The following SPATA18 variants were observed in gnomAD, a reference collection of about 807,000 sequenced individuals.
SPATA18 encodes mitochondria-eating protein.
A neutral mutation model predicts 68.1 loss-of-function variants in SPATA18; 54 were observed. That is an observed-to-expected ratio of 0.79 (90% CI 0.64 to 0.99). The LOEUF (loss-of-function observed/expected upper bound fraction) is 0.99. SPATA18 is among the 50% of genes least tolerant of loss of function. SPATA18 has a pLI of 0.00. For synonymous variants in SPATA18, 242 were observed against 244.8 expected (o/e 0.99, Z 0.11); for missense variants, 724 against 681.1 (o/e 1.06, Z -0.70).
chr4:52,094,459 TG>T (rs1295610478), intron 11 of SPATA18, 67 bp from the exon 12 acceptor site: 84 of 1,523,800 alleles, frequency 5.5e-5, no homozygotes, highest in South Asian at 1.6e-4. Flanking sequence ...AAAAAAAATA[TG>T]TCAAAAGAAT....
At chr4:52,060,952 C>T in intron 3 of SPATA18, 55 bp downstream of exon 3, 2 of 1,370,794 alleles carry the variant, frequency 1.5e-6, no homozygotes, top group Non-Finnish European at 2.1e-6. Flanking sequence ...TAAAACGAAT[C>T]AGAAACCTCC....
rs556229362 is a variant in SPATA18, at chr4:52,051,616, G to T, written c.-89G>T. On this transcript the variant is annotated 5_prime_UTR_variant, in exon 1 of 13. Transcript: ENST00000295213. ...CCCCCCAGAAGAGAACACCCTTCCC[G>T]CCATATCACCCCACGGTCCTGCGGA... 23 of 1,228,114 alleles carry T rather than the reference G, an allele frequency of 1.9e-5. No homozygotes were observed. The highest frequency in any genetic ancestry group is 1.5e-4 in the African/African-American group (10 of 67,434). 76.1% of individuals were successfully genotyped at this position (1,228,114 alleles called of 1,614,324 possible).
chr4:52,063,893 C>T (rs1739099323), intron 4 of SPATA18, among the ~76,000 whole-genome samples: 1 of 152,082 alleles, frequency 6.6e-6, no homozygotes, highest in South Asian at 2.1e-4. Flanking sequence ...GATGACCCTC[C>T]ATTTTCCTCT....
intron 10 of SPATA18, chr4:52,083,606 A>G: frequency 5.1e-6 from 2 of 388,484 alleles, no homozygotes; most frequent in Non-Finnish European, 7.0e-6. Flanking sequence ...TTAGCTGGGC[A>G]TCGTGGTGCA....
chr4:52,093,235 A>G (rs375672214), intron 11 of SPATA18, among the ~76,000 whole-genome samples: 18 of 152,330 alleles, frequency 1.2e-4, no homozygotes, highest in African/African-American at 4.3e-4. Flanking sequence ...CTATAATATG[A>G]TACAATATGA....
At chr4:52,064,161 C>CCCTATATCCTTT (rs1578157886) in intron 4 of SPATA18, among the ~76,000 whole-genome samples, 2 of 147,854 alleles carry the variant, frequency 1.4e-5, no homozygotes, top group East Asian at 2.0e-4. Flanking sequence ...TATGCTTTAT[C>CCCTATATCCTTT]ACGTATGTGT....
intron 3 of SPATA18, among the ~76,000 whole-genome samples, chr4:52,061,698 G>A (rs77018357): frequency 1.3e-5 from 2 of 152,058 alleles, no homozygotes; most frequent in African/African-American, 2.4e-5. Flanking sequence ...TGGTTTTGCT[G>A]ATCTAAAAGG....
At chr4:52,053,283 A>G (rs1267822020) in intron 1 of SPATA18, among the ~76,000 whole-genome samples, 1 of 152,194 alleles carries the variant, frequency 6.6e-6, no homozygotes, top group Non-Finnish European at 1.5e-5. Context: ...ATAACATCCC[A>G]TTCTCTGCTC....
At chr4:52,057,294 C>T (rs1299384729) in intron 1 of SPATA18, among the ~76,000 whole-genome samples, 1 of 151,926 alleles carries the variant, frequency 6.6e-6, no homozygotes, top group African/African-American at 2.4e-5. Flanking sequence ...GCTTTGGAGA[C>T]AGTATAATTA....
rs900205850 is a variant in SPATA18 at position 52,089,218 on chromosome 4, C to CT, written c.1563+4225dup. On this transcript the variant is annotated intron_variant, in intron 11 of 12. Coordinates refer to ENST00000295213, the MANE Select transcript of SPATA18 (RefSeq NM_145263.4). ...CTAGCAGTATATCTATTTTGCAGAT[C>CT]TTTTTTAAAAAAACCAGCTCCTGGA... Among the ~76,000 whole-genome samples the CT allele has an allele frequency of 5.9e-5, 9 of 151,786 alleles. 1 individual carries two copies. The highest frequency in any genetic ancestry group is 4.2e-4 in the South Asian group (2 of 4,818).
chr4:52,082,342 C>T (rs1332219506), intron 9 of SPATA18, 45 bp from the exon 10 acceptor site: 3 of 1,568,172 alleles, frequency 1.9e-6, no homozygotes, highest in African/African-American at 1.4e-5. Context: ...AGATATGCTC[C>T]ATAATTGCTT....
chr4:52,057,165 CACTG>C (rs1321815560), intron 1 of SPATA18, among the ~76,000 whole-genome samples: 1 of 152,084 alleles, frequency 6.6e-6, no homozygotes, highest in African/African-American at 2.4e-5. Context: ...CTAATTAGTT[CACTG>C]ACTGCAGGCA....
chr4:52,061,592 GA>G, intron 3 of SPATA18, among the ~76,000 whole-genome samples: 1 of 152,014 alleles, frequency 6.6e-6, no homozygotes, highest in East Asian at 1.9e-4. Context: ...TCCCTGCTTG[GA>G]GATCACTGAG....
intron 5 of SPATA18, among the ~76,000 whole-genome samples, chr4:52,070,291 CT>C (rs901295559): frequency 6.6e-5 from 10 of 152,046 alleles, no homozygotes; most frequent in Non-Finnish European, 1.0e-4. Flanking sequence ...AGAAAAAATA[CT>C]GCAGAAGTTA....
chr4:52,086,221 A>C (rs1322030442), intron 11 of SPATA18, among the ~76,000 whole-genome samples: 1 of 152,102 alleles, frequency 6.6e-6, no homozygotes, highest in Non-Finnish European at 1.5e-5. Flanking sequence ...CAAAAACAAA[A>C]CCAAAAACCC....
chr4:52,062,401 AAGG>A lies in SPATA18; in HGVS notation c.422+72_422+74del, dbSNP rs1344271547. 3 of 1,106,314 alleles carry A rather than the reference AAGG, an allele frequency of 2.7e-6. No individual in the cohort carries two copies. The African/African-American group carries it at 4.7e-5, about 17-fold the overall frequency. 68.5% of individuals were successfully genotyped at this position (1,106,314 alleles called of 1,614,324 possible). ...CAATTTAATTAAGTTTTAAATTCGA[AAGG>A]AGAATAATGGCTCATGTAAAATGTG... On this transcript the variant is annotated intron_variant, in intron 4 of 12. Coordinates refer to ENST00000295213, the MANE Select transcript of SPATA18 (RefSeq NM_145263.4).
At chr4:52,082,291 A>G in intron 9 of SPATA18, 96 bp from the exon 10 acceptor site, 1 of 1,166,748 alleles carries the variant, frequency 8.6e-7, no homozygotes, top group Non-Finnish European at 1.3e-6. Context: ...CTCAGATCTG[A>G]GCATAATACA....
In SPATA18 at chr4:52,071,986, G is replaced by A; in HGVS notation, c.588G>A (p.Arg196=). 1 of 1,613,878 alleles carries A rather than the reference G, an allele frequency of 6.2e-7. No individual in the cohort carries two copies. Among genetic ancestry groups the A allele is most frequent in the Non-Finnish European group, 8.5e-7 (1 of 1,179,998 alleles). Reference sequence around the variant, plus strand: ...CAGATCAGAGGAGCTCAGAGAATAGGCGGTCAGAGCCTTGGAGCTTGGAGG... The same window carrying A: ...CAGATCAGAGGAGCTCAGAGAATAGACGGTCAGAGCCTTGGAGCTTGGAGG... The part of the protein sequence containing the change: ...RNTDQRSSEN[R]RSEPWSLEER... The change falls in exon 6 of 13, where the codon AGG becomes AGA. Residue 196 remains arginine, a synonymous_variant. Coordinates refer to ENST00000295213, the MANE Select transcript of SPATA18 (RefSeq NM_145263.4).
intron 7 of SPATA18, among the ~76,000 whole-genome samples, chr4:52,078,085 G>A (rs1740552212): frequency 7.9e-6 from 1 of 127,150 alleles, no homozygotes; most frequent in Admixed American, 9.2e-5. Flanking sequence ...ATGTAAGAAT[G>A]TTTTTAGATT....
Sources: gnomAD v4.1 joint callset for allele counts (sites outside exome capture counted in the v4.1 genomes callset) on GRCh38, gnomAD v4.1.1 for gene constraint, MANE v1.5 for transcripts, NCBI Gene and HGNC (gene_info 2026-07-23, HGNC 2026-07-21) for gene names.